The following EXT1 variants were observed in gnomAD, a reference collection of about 807,000 sequenced individuals.
EXT1 encodes exostosin-1.
A neutral mutation model predicts 82.5 loss-of-function variants in EXT1; 20 were observed. That is an observed-to-expected ratio of 0.24 (90% CI 0.17 to 0.35). The LOEUF (loss-of-function observed/expected upper bound fraction) is 0.35. Among genes scored for constraint, EXT1 ranks in the 10% least tolerant of loss-of-function variants. The probability of loss-of-function intolerance (pLI) is 1.00; values close to 1 mark genes in which losing one functional copy is unlikely to be tolerated. For synonymous variants in EXT1, 348 were observed against 350.8 expected (o/e 0.99, Z 0.09); for missense variants, 757 against 936.5 (o/e 0.81, Z 2.50).
At chr8:117,927,002 T>G (rs1429580122) in intron 1 of EXT1, among the ~76,000 whole-genome samples, 1 of 152,220 alleles carries the variant, frequency 6.6e-6, no homozygotes, top group African/African-American at 2.4e-5. Context: ...ACATGTGCAA[T>G]TTATGACTCC....
chr8:118,094,055 C>T (rs536851470), intron 1 of EXT1, among the ~76,000 whole-genome samples: 2 of 152,366 alleles, frequency 1.3e-5, no homozygotes, highest in Non-Finnish European at 2.9e-5. Context: ...AAATAGTTTT[C>T]CCTTCTCTAT....
At chr8:118,041,988 G>A (rs1816540805) in intron 1 of EXT1, among the ~76,000 whole-genome samples, 1 of 151,730 alleles carries the variant, frequency 6.6e-6, no homozygotes, top group Non-Finnish European at 1.5e-5. Context: ...GACTACATTG[G>A]CCAACATCAC....
intron 1 of EXT1, among the ~76,000 whole-genome samples, chr8:117,955,833 A>T (rs1467370635): frequency 6.6e-6 from 1 of 152,180 alleles, no homozygotes; most frequent in African/African-American, 2.4e-5. Flanking sequence ...CTGTGATTAC[A>T]GGTGCAGGAC....
At chr8:118,041,280 T>C (rs776203988) in intron 1 of EXT1, among the ~76,000 whole-genome samples, 10 of 152,126 alleles carry the variant, frequency 6.6e-5, no homozygotes, top group Non-Finnish European at 1.3e-4. Flanking sequence ...AGTCCAGACT[T>C]TGAAACCCTA....
chr8:117,843,770 C>T (rs1294610649), intron 1 of EXT1, among the ~76,000 whole-genome samples: 1 of 152,050 alleles, frequency 6.6e-6, no homozygotes, highest in Admixed American at 6.6e-5. Context: ...AGTTTGGAGA[C>T]CTCAAAAACC....
chr8:118,089,992 G>A (rs1043566696), intron 1 of EXT1, among the ~76,000 whole-genome samples: 5 of 152,210 alleles, frequency 3.3e-5, no homozygotes, highest in African/African-American at 1.2e-4. Flanking sequence ...GCCACAATAA[G>A]TACCTCCGAT....
intron 1 of EXT1, among the ~76,000 whole-genome samples, chr8:117,961,161 C>A (rs1189298831): frequency 6.6e-6 from 1 of 152,076 alleles, no homozygotes; most frequent in Non-Finnish European, 1.5e-5. Context: ...TCCCTCCCTT[C>A]TGTCTTTCTC....
At chr8:117,921,252 C>T (rs1269872444) in intron 1 of EXT1, among the ~76,000 whole-genome samples, 1 of 152,136 alleles carries the variant, frequency 6.6e-6, no homozygotes, top group East Asian at 1.9e-4. Context: ...ATCATAAATG[C>T]TAACAGGTGC....
intron 7 of EXT1, among the ~76,000 whole-genome samples, chr8:117,813,524 C>T (rs1339514905): frequency 1.3e-5 from 2 of 152,170 alleles, no homozygotes; most frequent in Non-Finnish European, 2.9e-5. Context: ...CAAGTGTGGA[C>T]ACAAACCACG....
intron 10 of EXT1, 71 bp downstream of exon 10, chr8:117,804,651 C>T (rs1053761156): frequency 2.2e-5 from 34 of 1,546,984 alleles, no homozygotes; most frequent in African/African-American, 2.7e-5. Flanking sequence ...GCTAGAGGAA[C>T]GTGAGTCCTC....
chr8:117,931,315 G>A (rs1211074077), intron 1 of EXT1, among the ~76,000 whole-genome samples: 2 of 152,054 alleles, frequency 1.3e-5, no homozygotes, highest in African/African-American at 4.8e-5. Flanking sequence ...TACATTTCCT[G>A]TATATACTCA....
chr8:118,015,438 C>G (rs534794787), intron 1 of EXT1, among the ~76,000 whole-genome samples: 1 of 152,078 alleles, frequency 6.6e-6, no homozygotes, highest in Non-Finnish European at 1.5e-5. Context: ...CAAAATTCCA[C>G]GATCTAAAGT....
At position 118,047,996 on chromosome 8, in the gene EXT1, G is replaced by T. The variant is rs112277522; in HGVS notation, c.962+62089C>A. Among the ~76,000 whole-genome samples, 350 of 151,370 alleles carry T rather than the reference G, an allele frequency of 2.3e-3. 3 individuals are homozygous for T. The highest frequency in any genetic ancestry group is 7.0e-3 in the African/African-American group (287 of 41,214). ...AGCAGAGATCATACCACTGCACTCT[G>T]GCCTGGACAACAGAACAAGAATTAA... is the stretch of plus-strand genomic sequence containing the variant. On this transcript the variant is annotated intron_variant, in intron 1 of 10. Transcript: ENST00000378204.
intron 1 of EXT1, among the ~76,000 whole-genome samples, chr8:118,022,833 T>C (rs1018775105): frequency 3.9e-5 from 6 of 152,144 alleles, no homozygotes. Context: ...TGTTCTATCA[T>C]TTATGGAGGT....
chr8:118,102,290 T>C, intron 1 of EXT1, among the ~76,000 whole-genome samples: 1 of 146,424 alleles, frequency 6.8e-6, no homozygotes, highest in East Asian at 2.0e-4. Flanking sequence ...ACAAATAAAA[T>C]ATATGTAAGA....
intron 1 of EXT1, among the ~76,000 whole-genome samples, chr8:117,909,387 T>C (rs1434408601): frequency 6.6e-6 from 1 of 152,192 alleles, no homozygotes; most frequent in African/African-American, 2.4e-5. Context: ...TCAAATAGTA[T>C]GTAATAAAAG....
chr8:117,951,277 CTT>C (rs1025141349), intron 1 of EXT1, among the ~76,000 whole-genome samples: 13 of 152,176 alleles, frequency 8.5e-5, no homozygotes, highest in Admixed American at 6.5e-4. Flanking sequence ...AAATTGGCCT[CTT>C]TTACTCATCT....
chr8:117,832,593 G>A (rs1368410660), intron 3 of EXT1, among the ~76,000 whole-genome samples: 11 of 151,892 alleles, frequency 7.2e-5, no homozygotes, highest in African/African-American at 2.7e-4. Context: ...CCAGAAAATT[G>A]AGTCTGCTGT....
At chr8:117,858,697 A>G (rs1464178997) in intron 1 of EXT1, among the ~76,000 whole-genome samples, 2 of 143,638 alleles carry the variant, frequency 1.4e-5, no homozygotes, top group African/African-American at 5.3e-5. Flanking sequence ...AAGAAGAAAG[A>G]AAGAAAGAAA....
Sources: gnomAD v4.1 joint callset for allele counts (sites outside exome capture counted in the v4.1 genomes callset) on GRCh38, gnomAD v4.1.1 for gene constraint, MANE v1.5 for transcripts, NCBI Gene and HGNC (gene_info 2026-07-23, HGNC 2026-07-21) for gene names.